Variants in GMDS observed in about 807,000 individuals in gnomAD.
GMDS encodes GDP-mannose 4,6-dehydratase.
Under a neutral mutation model 49.9 loss-of-function variants are expected in GMDS, and 20 were observed. The observed-to-expected ratio is 0.40, with a 90% CI of 0.28 to 0.58. GMDS has a LOEUF of 0.58. GMDS is among the 20% of genes least tolerant of loss of function. The probability of loss-of-function intolerance (pLI) is 0.42; values close to 1 mark genes in which losing one functional copy is unlikely to be tolerated. For synonymous variants in GMDS, 177 were observed against 178.6 expected (o/e 0.99, Z 0.07); for missense variants, 362 against 481.4 (o/e 0.75, Z 2.32).
chr6:1,866,335 C>T (rs1407939195), intron 7 of GMDS, among the ~76,000 whole-genome samples: 2 of 152,194 alleles, frequency 1.3e-5, no homozygotes, highest in Admixed American at 6.5e-5. Flanking sequence ...GCGTACTTAG[C>T]GAAGGGTATA....
At chr6:2,177,513 T>C (rs1778337782) in intron 1 of GMDS, among the ~76,000 whole-genome samples, 1 of 152,206 alleles carries the variant, frequency 6.6e-6, no homozygotes, top group Non-Finnish European at 1.5e-5. Flanking sequence ...GTAGGCTTTA[T>C]TTCTGAAATG....
At chr6:2,140,439 C>T (rs1252435455) in intron 1 of GMDS, among the ~76,000 whole-genome samples, 2 of 152,214 alleles carry the variant, frequency 1.3e-5, no homozygotes, top group Admixed American at 1.3e-4. Flanking sequence ...GAGAAGACAG[C>T]TGTGTTGTTT....
intron 7 of GMDS, among the ~76,000 whole-genome samples, chr6:1,810,283 A>T (rs1318248683): frequency 6.6e-6 from 1 of 152,016 alleles, no homozygotes; most frequent in Non-Finnish European, 1.5e-5. Flanking sequence ...CAGGGGGCAG[A>T]GGAGAAGTTT....
chr6:1,741,811 CAAAAA>C (rs758949708), intron 8 of GMDS, among the ~76,000 whole-genome samples: 2 of 23,050 alleles, frequency 8.7e-5, no homozygotes, highest in Non-Finnish European at 1.9e-4. Context: ...GACTCTGTCT[CAAAAA>C]AAAAAAAAAA....
chr6:2,044,943 T>A (rs565669932), intron 4 of GMDS, among the ~76,000 whole-genome samples: 1 of 152,224 alleles, frequency 6.6e-6, no homozygotes, highest in Admixed American at 6.5e-5. Flanking sequence ...GATTAGGAAC[T>A]ATCTCACCTT....
chr6:1,919,674 A>G (rs1761616479), intron 7 of GMDS, among the ~76,000 whole-genome samples: 1 of 152,240 alleles, frequency 6.6e-6, no homozygotes. Flanking sequence ...CCAAGAGTAC[A>G]ATGGCTTTTG....
chr6:1,713,297 G>A (rs1476931322), intron 9 of GMDS, among the ~76,000 whole-genome samples: 1 of 152,232 alleles, frequency 6.6e-6, no homozygotes, highest in Non-Finnish European at 1.5e-5. Context: ...GGACTCCAGT[G>A]TGTGTTATCT....
At chr6:1,740,165 T>A (rs545736429) in intron 8 of GMDS, among the ~76,000 whole-genome samples, 54 of 152,324 alleles carry the variant, frequency 3.5e-4, no homozygotes, top group African/African-American at 1.2e-3. Flanking sequence ...GTTATTCACA[T>A]ATACAATATA....
At position 1,640,509 on chromosome 6, in the gene GMDS, G is replaced by A. The variant is rs1179147222; in HGVS notation, c.988-15969C>T. On this transcript the variant is annotated intron_variant, in intron 9 of 10. Transcript: ENST00000380815. This position sits in a 1 kb window ranked among gnomAD's most constrained non-coding sequence, Gnocchi z 4.0. ...AGCCTTGAACCTCCCTGACCTCTCT[G>A]CTGAGCGGCTCTCTGAGGCTATCCC... Among the ~76,000 whole-genome samples the A allele has an allele frequency of 6.6e-6, 1 of 152,184 alleles. No homozygotes were observed. Among genetic ancestry groups the A allele is most frequent in the Non-Finnish European group, 1.5e-5 (1 of 68,034 alleles).
In GMDS at chr6:2,117,432, T is replaced by C. The variant is rs780622404; in HGVS notation, c.235+37A>G. ...GAACATAGGAACATCTGAAAACACCTTATAGAAAGAGATTCTAGAAAAAGA... is the reference window on the plus strand; with the variant it reads ...GAACATAGGAACATCTGAAAACACCCTATAGAAAGAGATTCTAGAAAAAGA... On this transcript the variant is annotated intron_variant, in intron 3 of 10. Transcript: ENST00000380815. 6 of 1,188,098 alleles carry C rather than the reference T, an allele frequency of 5.1e-6. No homozygotes were observed. The East Asian group carries it at 9.3e-5, about 18-fold the overall frequency. The allele number at this position is 1,188,098 out of a possible 1,614,324, so 73.6% of individuals were successfully genotyped here. A position where few individuals can be genotyped will look rare whatever the true frequency, so the allele number is the denominator to read the frequency against.
intron 7 of GMDS, among the ~76,000 whole-genome samples, chr6:1,763,431 A>G (rs1004605359): frequency 1.3e-5 from 2 of 152,224 alleles, no homozygotes; most frequent in Non-Finnish European, 2.9e-5. Context: ...TCTCCCCAAG[A>G]GTAAACCTAC....
At chr6:2,032,549 A>T (rs1414025423) in intron 4 of GMDS, among the ~76,000 whole-genome samples, 2 of 152,186 alleles carry the variant, frequency 1.3e-5, no homozygotes, top group African/African-American at 4.8e-5. Flanking sequence ...GAATCCATTC[A>T]TTTATTAAAT....
At chr6:2,105,527 A>T (rs1398017388) in intron 4 of GMDS, among the ~76,000 whole-genome samples, 1 of 152,138 alleles carries the variant, frequency 6.6e-6, no homozygotes, top group Non-Finnish European at 1.5e-5. Context: ...ATGTTACAAC[A>T]AACAAAAAAA....
intron 9 of GMDS, among the ~76,000 whole-genome samples, chr6:1,700,194 T>G (rs1279475600): frequency 6.6e-6 from 1 of 152,208 alleles, no homozygotes; most frequent in Admixed American, 6.5e-5. Flanking sequence ...TCTTCATGCT[T>G]CTTCTAATTT....
chr6:2,140,587 GAGAAT>G (rs1156493687), intron 1 of GMDS, among the ~76,000 whole-genome samples: 3 of 152,218 alleles, frequency 2.0e-5, no homozygotes, highest in African/African-American at 7.2e-5. Context: ...TATTTAATGA[GAGAAT>G]ACCCATTTCC....
intron 4 of GMDS, among the ~76,000 whole-genome samples, chr6:2,008,761 G>A (rs2076854): frequency 0.03 from 4,553 of 152,268 alleles, 148 homozygotes; most frequent in South Asian, 0.095. Flanking sequence ...TACTTGTCCT[G>A]TGAGTCCTGC....
At chr6:2,002,562 A>C (rs183520257) in intron 4 of GMDS, among the ~76,000 whole-genome samples, 35 of 152,334 alleles carry the variant, frequency 2.3e-4, no homozygotes, top group Admixed American at 2.0e-3. Flanking sequence ...CCTTAAACTG[A>C]AAATATGCTT....
At chr6:2,102,618 AAG>A (rs1425162532) in intron 4 of GMDS, among the ~76,000 whole-genome samples, 2 of 152,198 alleles carry the variant, frequency 1.3e-5, no homozygotes, top group Non-Finnish European at 2.9e-5. Flanking sequence ...ATGCCTGCCA[AAG>A]AGGGGCTAAA....
intron 4 of GMDS, among the ~76,000 whole-genome samples, chr6:2,042,958 T>C (rs931299307): frequency 1.3e-5 from 2 of 152,204 alleles, no homozygotes; most frequent in African/African-American, 4.8e-5. Flanking sequence ...AGCATCCATA[T>C]GACACTTTCT....
Sources: allele counts gnomAD v4.1 joint callset (sites outside exome capture counted in the v4.1 genomes callset), GRCh38; gene constraint gnomAD v4.1.1; non-coding constraint Gnocchi (gnomAD v3.1); transcripts MANE v1.5; gene names NCBI Gene and HGNC (gene_info 2026-07-23, HGNC 2026-07-21).